Variants in ANO10 observed in about 807,000 individuals in gnomAD.
The protein encoded by ANO10 is anoctamin 10, also known as anoctamin-10.
In ANO10, 77 loss-of-function variants were observed where a neutral mutation model predicts 74.7. That is an observed-to-expected ratio of 1.03 (90% CI 0.86 to 1.25). The LOEUF (loss-of-function observed/expected upper bound fraction) is 1.25, where lower values mean the gene tolerates loss of function less well. ANO10 is among the 50% of genes most tolerant of loss of function. The probability of loss-of-function intolerance (pLI) is 0.00; values close to 1 mark genes in which losing one functional copy is unlikely to be tolerated. For synonymous variants in ANO10, 279 were observed against 284.9 expected, an observed-to-expected ratio of 0.98 and a Z score of 0.21; for missense variants, 721 against 778.1, an observed-to-expected ratio of 0.93 and a Z score of 0.87.
At chr3:43,431,124 G>A (rs1225413090) in intron 12 of ANO10, among the ~76,000 whole-genome samples, 4 of 150,886 alleles carry the variant, frequency 2.7e-5, no homozygotes, top group Non-Finnish European at 5.9e-5. Flanking sequence ...CCAGGCGGGA[G>A]TGCAGTGGCA....
chr3:43,573,928 A>C (rs1401676618), intron 7 of ANO10, among the ~76,000 whole-genome samples: 5 of 152,170 alleles, frequency 3.3e-5, no homozygotes, highest in Non-Finnish European at 7.4e-5. Flanking sequence ...AACATATCTA[A>C]AAAGTGGGTT....
At chr3:43,463,966 G>GT (rs2075501060) in intron 11 of ANO10, among the ~76,000 whole-genome samples, 2 of 152,296 alleles carry the variant, frequency 1.3e-5, no homozygotes, top group South Asian at 4.1e-4. Context: ...GTGATAGTGA[G>GT]TAAGTCTCAT....
intron 11 of ANO10, among the ~76,000 whole-genome samples, chr3:43,493,801 T>C (rs1156742886): frequency 6.6e-6 from 1 of 152,170 alleles, no homozygotes; most frequent in African/African-American, 2.4e-5. Context: ...AGTAGCATGA[T>C]CACAGCTCAC....
chr3:43,523,018 T>C lies in ANO10; in HGVS notation c.1797+26702A>G, dbSNP rs1019542942. On this transcript the variant is annotated intron_variant, in intron 11 of 12. Transcript: ENST00000292246. The stretch of plus-strand genomic sequence containing the variant: ...AGGGAGTACCTGCATTATCAGCTTC[T>C]ATAGTGGGAGGGGGCATCTGCCATG... Among the ~76,000 whole-genome samples, 5 of 152,280 alleles carry C rather than the reference T, an allele frequency of 3.3e-5. No homozygotes were observed. The East Asian group carries it at 9.7e-4, about 29-fold the overall frequency.
intron 12 of ANO10, among the ~76,000 whole-genome samples, chr3:43,384,598 C>T (rs564419941): frequency 2.6e-5 from 4 of 152,222 alleles, no homozygotes; most frequent in African/African-American, 9.6e-5. Flanking sequence ...AAATAGAACA[C>T]AGAATCCAGA....
intron 1 of ANO10, among the ~76,000 whole-genome samples, chr3:43,647,368 G>C (rs1172297652): frequency 6.6e-6 from 1 of 152,044 alleles, no homozygotes; most frequent in Non-Finnish European, 1.5e-5. Flanking sequence ...GAGTCTGAAG[G>C]CTTGAGAACC....
chr3:43,563,785 T>C lies in ANO10; in HGVS notation c.1293+1868A>G, dbSNP rs142268973. 2.4e-3 allele frequency among the ~76,000 whole-genome samples: 366 copies of C among 152,172 alleles called. 1 individual carries two copies. Among genetic ancestry groups the C allele is most frequent in the African/African-American group, 8.6e-3 (356 of 41,518 alleles). On this transcript the variant is annotated intron_variant, in intron 8 of 12. Transcript: ENST00000292246. ...AAATATCACAGGCTCCCACTCACAC[T>C]TGGGAGCTAAAAAAGTTGATCTCAT...
intron 12 of ANO10, among the ~76,000 whole-genome samples, chr3:43,367,740 C>T (rs779040293): frequency 4.1e-4 from 62 of 152,022 alleles, no homozygotes; most frequent in Non-Finnish European, 3.2e-4. Context: ...CCAGTCACTT[C>T]GGTTTTATGG....
At chr3:43,571,832 T>TAAA (rs372868462) in intron 7 of ANO10, among the ~76,000 whole-genome samples, 1 of 49,010 alleles carries the variant, frequency 2.0e-5, no homozygotes. Flanking sequence ...ACTTAAAGTA[T>TAAA]AAAAAAAAAA....
At chr3:43,597,622 G>T (rs182969920) in intron 4 of ANO10, among the ~76,000 whole-genome samples, 14 of 152,122 alleles carry the variant, frequency 9.2e-5, no homozygotes, top group African/African-American at 3.4e-4. Flanking sequence ...TAGGGTGGGG[G>T]CATGGGGGAG....
At chr3:43,377,338 G>A (rs1506619) in intron 12 of ANO10, among the ~76,000 whole-genome samples, 2,597 of 152,104 alleles carry the variant, frequency 0.017, 196 homozygotes, top group Admixed American at 0.13. Flanking sequence ...TGCCTGCCTC[G>A]GCCTTCCAAA....
intron 12 of ANO10, among the ~76,000 whole-genome samples, chr3:43,378,352 G>C (rs2091868752): frequency 4.6e-5 from 7 of 152,170 alleles, no homozygotes. Flanking sequence ...TGGCAGAGGG[G>C]ATTGGTTCCA....
intron 4 of ANO10, among the ~76,000 whole-genome samples, chr3:43,582,332 G>T (rs1397110828): frequency 6.6e-6 from 1 of 151,980 alleles, no homozygotes; most frequent in Non-Finnish European, 1.5e-5. Flanking sequence ...GGCGCCTGTA[G>T]TCCCAGCTAC....
chr3:43,432,186 G>A (rs1394811942), intron 12 of ANO10, among the ~76,000 whole-genome samples: 1 of 151,102 alleles, frequency 6.6e-6, no homozygotes, highest in Non-Finnish European at 1.5e-5. Flanking sequence ...CTCCTTTCAG[G>A]GCAATTTTGC....
chr3:43,564,829 G>A (rs1373441447), intron 8 of ANO10, among the ~76,000 whole-genome samples: 2 of 152,214 alleles, frequency 1.3e-5, no homozygotes, highest in East Asian at 1.9e-4. Context: ...CACCTTTGCT[G>A]GTATTACAAC....
At chr3:43,537,261 G>A (rs2078753679) in intron 11 of ANO10, among the ~76,000 whole-genome samples, 1 of 152,064 alleles carries the variant, frequency 6.6e-6, no homozygotes, top group South Asian at 2.1e-4. Flanking sequence ...CTTTCCTTGG[G>A]TTTCCTTTTC....
rs1428287233 is a variant in ANO10, at chr3:43,543,678, C to T, written c.1797+6042G>A. ...CTAGGATTACAGGCGTGAGCTACTG[C>T]GCCCGGCCTCAATTCTGCTTCTAAG... On this transcript the variant is annotated intron_variant, in intron 11 of 12. Transcript: ENST00000292246. 7.2e-5 allele frequency among the ~76,000 whole-genome samples: 11 copies of T among 152,294 alleles called. No individual in the cohort carries two copies. In the South Asian group the frequency reaches 1.2e-3, roughly 17 times the overall value.
intron 12 of ANO10, among the ~76,000 whole-genome samples, chr3:43,376,571 T>G (rs920659258): frequency 4.6e-5 from 7 of 152,104 alleles, no homozygotes; most frequent in Admixed American, 4.6e-4. Flanking sequence ...TATGGCAACA[T>G]AGGTAAGAGG....
rs1390136802 is a variant in ANO10, at chr3:43,488,050, C to G, written c.1798-55323G>C. ...ACTATCTGATCTTTGAAAAACCTGA[C>G]AAAAACAAGCAATGGGGAAAGGATT... On this transcript the variant is annotated intron_variant, in intron 11 of 12. Coordinates refer to ENST00000292246, the MANE Select transcript of ANO10 (RefSeq NM_018075.5). Among the ~76,000 whole-genome samples the G allele has an allele frequency of 2.4e-4, 36 of 152,196 alleles. No individual in the cohort carries two copies. In the South Asian group the frequency reaches 6.9e-3, roughly 29 times the overall value.
Sources: allele counts gnomAD v4.1 joint callset (sites outside exome capture counted in the v4.1 genomes callset), GRCh38; gene constraint gnomAD v4.1.1; transcripts MANE v1.5; gene names NCBI Gene and HGNC (gene_info 2026-07-23, HGNC 2026-07-21).